RBFOX1: variants seen among roughly 807,000 people sequenced by gnomAD.
RBFOX1 encodes the protein RNA binding protein fox-1 homolog 1.
RBFOX1 carries 8 observed loss-of-function variants against 57.7 expected under a neutral mutation model. That is an observed-to-expected ratio of 0.14 (90% confidence interval 0.08 to 0.25). The LOEUF is 0.25. RBFOX1 is among the 10% of genes least tolerant of loss of function. RBFOX1 has a pLI of 1.00. For missense variants in RBFOX1, 611 were observed against 548.5 expected (o/e 1.11, Z -1.14); for synonymous variants, 326 against 222.4 (o/e 1.47, Z -4.15).
chr16:6,669,691 C>G (rs941132675), intron 3 of RBFOX1, among the ~76,000 whole-genome samples: 4 of 152,136 alleles, frequency 2.6e-5, no homozygotes, highest in Non-Finnish European at 4.4e-5. Flanking sequence ...AAGATCTACC[C>G]TCTTAGCAAA....
intron 4 of RBFOX1, among the ~76,000 whole-genome samples, chr16:7,225,672 C>T (rs1267221836): frequency 2.1e-5 from 3 of 143,252 alleles, no homozygotes. Flanking sequence ...CTTTAGGTGG[C>T]ACGGGACAGA....
intron 3 of RBFOX1, among the ~76,000 whole-genome samples, chr16:5,847,235 G>A (rs1382979662): frequency 1.3e-5 from 2 of 152,134 alleles, no homozygotes; most frequent in Non-Finnish European, 2.9e-5. Flanking sequence ...AGACGCTGCA[G>A]TTGGTAGAAG....
intron 3 of RBFOX1, among the ~76,000 whole-genome samples, chr16:6,920,211 G>A (rs1038381822): frequency 2.0e-5 from 3 of 151,814 alleles, no homozygotes; most frequent in Admixed American, 2.0e-4. Flanking sequence ...CCTTATTTTT[G>A]CAATTGCAAA....
intron 4 of RBFOX1, among the ~76,000 whole-genome samples, chr16:7,254,161 A>C (rs987027354): frequency 6.6e-6 from 1 of 152,186 alleles, no homozygotes; most frequent in South Asian, 2.1e-4. Context: ...TGAGAAGACC[A>C]ATGAGAAAAG....
In RBFOX1 at chr16:7,448,185, G is replaced by A. The variant is rs186909237; in HGVS notation, c.28-69962G>A. Among the ~76,000 whole-genome samples, 87 of 152,272 alleles carry A rather than the reference G, an allele frequency of 5.7e-4. 1 individual carries two copies. The highest frequency in any genetic ancestry group is 3.3e-4 in the Admixed American group (5 of 15,296). Reference sequence around the variant, plus strand: ...CATAGCAAATTACTGCAAACAGAGCGGCTTAAAATAACAGAAACTTATTCT... The same window carrying A: ...CATAGCAAATTACTGCAAACAGAGCAGCTTAAAATAACAGAAACTTATTCT... On this transcript the variant is annotated intron_variant, in intron 4 of 15. Transcript: ENST00000550418.
chr16:7,496,394 T>A (rs2068648777), intron 4 of RBFOX1, among the ~76,000 whole-genome samples: 2 of 152,166 alleles, frequency 1.3e-5, no homozygotes, highest in Admixed American at 1.3e-4. Flanking sequence ...CCACCTGCCT[T>A]GGCCTCCCAA....
chr16:5,327,260 A>G (rs1188799323), intron 1 of RBFOX1, among the ~76,000 whole-genome samples: 1 of 152,118 alleles, frequency 6.6e-6, no homozygotes, highest in East Asian at 1.9e-4. Flanking sequence ...AATCTGCTGA[A>G]TGGGACCCTG....
At chr16:6,731,403 C>G (rs1409155074) in intron 3 of RBFOX1, among the ~76,000 whole-genome samples, 1 of 152,138 alleles carries the variant, frequency 6.6e-6, no homozygotes, top group Non-Finnish European at 1.5e-5. Flanking sequence ...GACCTCACAT[C>G]TCATCTTTTG....
At chr16:5,424,935 C>CTTTCTT (rs1421644138) in intron 1 of RBFOX1, among the ~76,000 whole-genome samples, 1 of 63,932 alleles carries the variant, frequency 1.6e-5, no homozygotes, top group East Asian at 4.3e-4. Context: ...TTCTTTCTTT[C>CTTTCTT]TCTCTCTTCT....
intron 2 of RBFOX1, among the ~76,000 whole-genome samples, chr16:6,608,662 C>G (rs1242540730): frequency 1.3e-5 from 2 of 152,188 alleles, no homozygotes; most frequent in African/African-American, 2.4e-5. Context: ...TGCCTGTGGT[C>G]TCAGGAGGGT....
At chr16:7,256,397 C>G (rs972496341) in intron 4 of RBFOX1, among the ~76,000 whole-genome samples, 1 of 152,186 alleles carries the variant, frequency 6.6e-6, no homozygotes, top group Non-Finnish European at 1.5e-5. Context: ...CTTTGAAAGA[C>G]AAAGGCGGCT....
At chr16:6,258,872 C>A (rs758908396) in intron 1 of RBFOX1, among the ~76,000 whole-genome samples, 5 of 151,964 alleles carry the variant, frequency 3.3e-5, no homozygotes, top group Non-Finnish European at 7.4e-5. Context: ...TCATGTACCC[C>A]ATAAAGATAT....
rs142001242 is a variant in RBFOX1 at position 7,280,136 on chromosome 16, C to T, written c.27+228038C>T. ...TGGCTGAGTTTGACTTCGTTGACCA[C>T]AGAGTCTTGGTTCTTTGCAAACGCA... On this transcript the variant is annotated intron_variant, in intron 4 of 15. Transcript: ENST00000550418. Among the ~76,000 whole-genome samples, 256 of 152,350 alleles carry T rather than the reference C, an allele frequency of 1.7e-3. 1 individual carries two copies. The highest frequency in any genetic ancestry group is 5.4e-3 in the African/African-American group (225 of 41,586).
At chr16:6,703,379 G>A (rs907750967) in intron 3 of RBFOX1, among the ~76,000 whole-genome samples, 16 of 152,010 alleles carry the variant, frequency 1.1e-4, no homozygotes, top group Admixed American at 8.5e-4. Context: ...TTTGAGGCCA[G>A]CCTAGGCAAC....
intron 3 of RBFOX1, among the ~76,000 whole-genome samples, chr16:5,686,373 T>G (rs2050504980): frequency 6.6e-6 from 1 of 152,196 alleles, no homozygotes; most frequent in African/African-American, 2.4e-5. Context: ...GTTTGAATAT[T>G]AGTATTTTCT....
rs574152787 is a variant in RBFOX1, at chr16:7,672,333, A to C, written c.931-4441A>C. Among the ~76,000 whole-genome samples, 31 of 152,348 alleles carry C rather than the reference A, an allele frequency of 2.0e-4. No individual in the cohort carries two copies. The South Asian group carries it at 6.0e-3, about 29-fold the overall frequency. Reference sequence around the variant, plus strand: ...AATGTCAAACTGAGGATGATCAGTGAGAGTTGTAGGACATTACTTTCCCTA... The same window carrying C: ...AATGTCAAACTGAGGATGATCAGTGCGAGTTGTAGGACATTACTTTCCCTA... On this transcript the variant is annotated intron_variant, in intron 13 of 15. Transcript: ENST00000550418.
intron 13 of RBFOX1, among the ~76,000 whole-genome samples, chr16:7,673,540 C>A (rs756715505): frequency 6.6e-6 from 1 of 152,114 alleles, no homozygotes; most frequent in Non-Finnish European, 1.5e-5. Context: ...GACCCCATCT[C>A]TAGTAGTAAT....
chr16:7,232,184 C>T (rs1415714019), intron 4 of RBFOX1, among the ~76,000 whole-genome samples: 1 of 152,028 alleles, frequency 6.6e-6, no homozygotes, highest in Non-Finnish European at 1.5e-5. Context: ...CCACCAGGCC[C>T]AACTAATTTT....
chr16:6,644,258 C>G (rs368959440), intron 2 of RBFOX1, among the ~76,000 whole-genome samples: 4 of 152,186 alleles, frequency 2.6e-5, no homozygotes, highest in South Asian at 2.1e-4. Context: ...AAGCATGCAT[C>G]CAAACTATCA....
Sources: gnomAD v4.1 joint callset for allele counts (sites outside exome capture counted in the v4.1 genomes callset) on GRCh38, gnomAD v4.1.1 for gene constraint, MANE v1.5 for transcripts, NCBI Gene and HGNC (gene_info 2026-07-23, HGNC 2026-07-21) for gene names.